Variants in ITSN1 observed in about 807,000 individuals in gnomAD.
The protein encoded by ITSN1 is intersectin-1.
A neutral mutation model predicts 239.8 loss-of-function variants in ITSN1; 58 were observed. The ratio of observed to expected loss-of-function variants is 0.24; its 90% CI spans 0.20 to 0.30. ITSN1 has a LOEUF of 0.30. ITSN1 is among the 10% of genes least tolerant of loss of function. The pLI, the probability that ITSN1 is intolerant of heterozygous loss-of-function variation, is 1.00. For missense variants in ITSN1, 1,558 were observed against 2,103.3 expected (o/e 0.74, Z 5.07); for synonymous variants, 780 against 770.8 (o/e 1.01, Z -0.20).
intron 29 of ITSN1, among the ~76,000 whole-genome samples, chr21:33,840,553 G>A (rs1000409608): frequency 6.6e-6 from 1 of 152,038 alleles, no homozygotes; most frequent in African/African-American, 2.4e-5. Context: ...GTAGAGACAG[G>A]GTTTCACCAT....
chr21:33,656,364 A>G (rs1423283218), intron 1 of ITSN1, among the ~76,000 whole-genome samples: 1 of 152,240 alleles, frequency 6.6e-6, no homozygotes, highest in Non-Finnish European at 1.5e-5. Flanking sequence ...ATAATTAATA[A>G]TTGAAGTTAC....
At position 33,702,112 on chromosome 21, in the gene ITSN1, T is replaced by TAAAG. The variant is rs1568974946; in HGVS notation, c.-32-16685_-32-16684insAAAG. On this transcript the variant is annotated intron_variant, in intron 1 of 39. Transcript: ENST00000381318. ...AAAAAAATTTTTTTTTTTTTTTTTT[T>TAAAG]TTTTTTTTTTTTTTTTTTTTTTAGA... Among the ~76,000 whole-genome samples the TAAAG allele has an allele frequency of 1.0e-3, 109 of 108,340 alleles. 3 individuals carry two copies. Among genetic ancestry groups the TAAAG allele is most frequent in the East Asian group, 2.5e-3 (7 of 2,842 alleles). 71.1% of individuals were successfully genotyped at this position (108,340 alleles called of 152,430 possible). A position where few individuals can be genotyped will look rare whatever the true frequency, so the allele number is the denominator to read the frequency against.
intron 21 of ITSN1, among the ~76,000 whole-genome samples, chr21:33,812,835 C>T (rs2073003686): frequency 6.6e-6 from 1 of 152,180 alleles, no homozygotes; most frequent in African/African-American, 2.4e-5. Context: ...AAAACTAGAA[C>T]TGTCCCTGGG....
chr21:33,767,704 C>T lies in ITSN1; in HGVS notation c.927-9C>T, dbSNP rs2068825834. On this transcript the variant is annotated splice_polypyrimidine_tract_variant and intron_variant, in intron 10 of 39. Coordinates refer to ENST00000381318, the MANE Select transcript of ITSN1 (RefSeq NM_003024.3). ...GTGAATCTATTTTTCTTTTTCCCCG[C>T]AATTGCAGAAGAGTTCGATCTGGCA... is the stretch of plus-strand genomic sequence containing the variant. 1 of 1,534,912 alleles carries T rather than the reference C, an allele frequency of 6.5e-7. No homozygotes were observed. The highest frequency in any genetic ancestry group is 9.0e-7 in the Non-Finnish European group (1 of 1,116,932).
chr21:33,686,671 T>C (rs961045305), intron 1 of ITSN1, among the ~76,000 whole-genome samples: 1 of 152,198 alleles, frequency 6.6e-6, no homozygotes, highest in African/African-American at 2.4e-5. Flanking sequence ...TTGTCTCATT[T>C]CCCCTTTCCA....
intron 29 of ITSN1, 107 bp from the exon 30 acceptor site, chr21:33,856,629 G>A (rs1979394137): frequency 1.3e-6 from 2 of 1,531,810 alleles, no homozygotes; most frequent in East Asian, 4.5e-5. Flanking sequence ...GACCCCACTG[G>A]ACTGGAGCAA....
intron 1 of ITSN1, among the ~76,000 whole-genome samples, chr21:33,695,681 C>A (rs2091763114): frequency 6.6e-6 from 1 of 152,096 alleles, no homozygotes; most frequent in Non-Finnish European, 1.5e-5. Flanking sequence ...AGAAGGTGAA[C>A]CTTTCTAAAG....
At chr21:33,741,415 T>G (rs927835239) in intron 5 of ITSN1, among the ~76,000 whole-genome samples, 1 of 152,194 alleles carries the variant, frequency 6.6e-6, no homozygotes, top group African/African-American at 2.4e-5. Flanking sequence ...CATGTTGCTA[T>G]GTGTGGATAT....
chr21:33,739,507 T>G (rs1222891277), intron 5 of ITSN1, among the ~76,000 whole-genome samples: 4 of 152,178 alleles, frequency 2.6e-5, no homozygotes, highest in South Asian at 4.1e-4. Context: ...ATTTTCAAAT[T>G]GTGGGGAGCA....
At chr21:33,838,353 C>A (rs1207078817) in intron 29 of ITSN1, 2 of 985,082 alleles carry the variant, frequency 2.0e-6, no homozygotes, top group African/African-American at 1.7e-5. Context: ...GCGAGGACCT[C>A]TCCTCCTCGT....
chr21:33,648,486 T>C (rs985515041), intron 1 of ITSN1, among the ~76,000 whole-genome samples: 3 of 152,150 alleles, frequency 2.0e-5, no homozygotes, highest in African/African-American at 7.2e-5. Flanking sequence ...TGTACTAATA[T>C]ATAAACTGGG....
chr21:33,814,235 A>T, intron 22 of ITSN1, 163 bp downstream of exon 22: 4 of 451,744 alleles, frequency 8.9e-6, no homozygotes, highest in East Asian at 4.3e-5. Context: ...ATCTGCTGTG[A>T]ATAGTTGGGA....
At chr21:33,837,792 G>A (rs1323218705) in intron 29 of ITSN1, 1 of 985,824 alleles carries the variant, frequency 1.0e-6, no homozygotes, top group Non-Finnish European at 1.2e-6. Flanking sequence ...TTTTTGTTCG[G>A]TCTCAGATTT....
chr21:33,683,565 C>G (rs544781189), intron 1 of ITSN1, among the ~76,000 whole-genome samples: 1 of 152,086 alleles, frequency 6.6e-6, no homozygotes, highest in Admixed American at 6.5e-5. Flanking sequence ...TGGAAATCCA[C>G]CCTGCTGAGG....
intron 26 of ITSN1, 103 bp downstream of exon 26, chr21:33,826,966 T>A (rs2074007020): frequency 1.0e-6 from 1 of 955,720 alleles, no homozygotes; most frequent in Non-Finnish European, 1.7e-6. Context: ...ATAAAAAGAA[T>A]CTTTCCTAAG....
chr21:33,725,487 C>T (rs952583527), intron 4 of ITSN1, among the ~76,000 whole-genome samples: 1 of 152,072 alleles, frequency 6.6e-6, no homozygotes, highest in Admixed American at 6.6e-5. Context: ...GTAGTCTTAG[C>T]TGCTAGGGAG....
rs528273157 is a variant in ITSN1 at position 33,655,374 on chromosome 21, TA to T, written c.-33+12662del. On this transcript the variant is annotated intron_variant, in intron 1 of 39. Coordinates refer to ENST00000381318, the MANE Select transcript of ITSN1 (RefSeq NM_003024.3). ...GTGTACAGTATTATGTGCATCTGTATAGGGGGTGAGTCTGAATTCTGTTCAA... is the reference window on the plus strand; with the variant it reads ...GTGTACAGTATTATGTGCATCTGTATGGGGGTGAGTCTGAATTCTGTTCAA... 1.2e-3 allele frequency among the ~76,000 whole-genome samples: 176 copies of T among 152,252 alleles called. 1 individual carries two copies. The highest frequency in any genetic ancestry group is 5.5e-3 in the Admixed American group (84 of 15,296).
intron 5 of ITSN1, among the ~76,000 whole-genome samples, chr21:33,746,161 A>C (rs1311366009): frequency 6.6e-6 from 1 of 152,216 alleles, no homozygotes; most frequent in Non-Finnish European, 1.5e-5. Flanking sequence ...CTGCACAACA[A>C]GGGAAGACAG....
At chr21:33,816,889 G>T (rs2073312675) in intron 22 of ITSN1, among the ~76,000 whole-genome samples, 1 of 152,152 alleles carries the variant, frequency 6.6e-6, no homozygotes, top group South Asian at 2.1e-4. Flanking sequence ...CAGCTAAGTG[G>T]AAGGAAATAG....
Sources: gnomAD v4.1 joint callset for allele counts (sites outside exome capture counted in the v4.1 genomes callset) on GRCh38, gnomAD v4.1.1 for gene constraint, MANE v1.5 for transcripts, NCBI Gene and HGNC (gene_info 2026-07-23, HGNC 2026-07-21) for gene names.